The following CGN variants were observed in gnomAD, a reference collection of about 807,000 sequenced individuals.
CGN encodes the protein cingulin.
CGN carries 121 observed loss-of-function variants against 157.1 expected under a neutral mutation model. That is an observed-to-expected ratio of 0.77 (90% CI 0.66 to 0.90). The LOEUF is 0.90. Among genes scored for constraint, CGN ranks in the 40% least tolerant of loss-of-function variants. The pLI is 0.00. For missense variants in CGN, 1,424 were observed against 1,520.9 expected (o/e 0.94, Z 1.06); for synonymous variants, 535 against 607.5 (o/e 0.88, Z 1.76).
intron 1 of CGN, among the ~76,000 whole-genome samples, chr1:151,517,245 T>TC (rs1267325789): frequency 6.6e-6 from 1 of 152,162 alleles, no homozygotes; most frequent in African/African-American, 2.4e-5. Flanking sequence ...CAGTAGAATG[T>TC]CCACTCCTTT....
At chr1:151,528,114 C>A (rs1664737224) in intron 10 of CGN, among the ~76,000 whole-genome samples, 1 of 151,304 alleles carries the variant, frequency 6.6e-6, no homozygotes, top group African/African-American at 2.4e-5. Context: ...CACCACCACG[C>A]CCGGCTAATT....
chr1:151,518,435 C>A, intron 1 of CGN, 71 bp from the exon 2 acceptor site: 1 of 1,339,094 alleles, frequency 7.5e-7, no homozygotes, highest in Non-Finnish European at 1.0e-6. Context: ...ACAGGGAAGT[C>A]AGCCCGCAGG....
Position 151,534,405 on chromosome 1 carries a change from G to A in CGN, c.2904+269G>A, listed in dbSNP as rs145823994. On this transcript the variant is annotated intron_variant, in intron 15 of 20. Coordinates refer to ENST00000271636, the MANE Select transcript of CGN (RefSeq NM_020770.3). ...CAACAGTTGGCTGGAGCTGAGCAGT[G>A]GGTTTCCCCTTTAGAGTGAACAGTA... 2.6e-5 allele frequency: 12 copies of A among 465,932 alleles called. No individual in the cohort carries two copies. The East Asian group carries it at 4.9e-4, about 19-fold the overall frequency. 28.9% of individuals were successfully genotyped at this position (465,932 alleles called of 1,614,324 possible). A position where few individuals can be genotyped will look rare whatever the true frequency, so the allele number is the denominator to read the frequency against.
At chr1:151,533,475 C>T (rs1193789120) in intron 14 of CGN, among the ~76,000 whole-genome samples, 1 of 134,018 alleles carries the variant, frequency 7.5e-6, no homozygotes, top group Non-Finnish European at 1.6e-5. Context: ...GACTCCATCT[C>T]AAAAAACAAA....
In CGN at chr1:151,523,453, CA is replaced by C. The variant is rs771296889; in HGVS notation, c.1161del (p.Ser388ProfsTer40). ...TTACAGAAGCGGCAGAAGCTAGAGC[CA>C]TCCCAAGTTGGGCTGGAGCGGCAGC... ...EEVKKRQKLE[P>X]SQVGLERQLE... is the part of the protein sequence containing the mutation. On this transcript the variant is annotated frameshift_variant, in exon 6 of 21. Transcript: ENST00000271636. LOFTEE classifies it high-confidence loss of function. The C allele has an allele frequency of 1.3e-4, 207 of 1,613,254 alleles. No individual in the cohort carries two copies. Among genetic ancestry groups the C allele is most frequent in the Non-Finnish European group, 1.7e-4 (202 of 1,179,616 alleles).
chr1:151,531,941 A>G (rs1359138958), intron 13 of CGN, among the ~76,000 whole-genome samples: 2 of 152,152 alleles, frequency 1.3e-5, no homozygotes, highest in Non-Finnish European at 2.9e-5. Flanking sequence ...TTTCTGAAAT[A>G]GAGTTGTGTC....
chr1:151,537,456 G>T lies in CGN; in HGVS notation c.*110G>T. The stretch of plus-strand genomic sequence containing the variant: ...TTCCTATGGGTGACCCAATTATTCA[G>T]ACCTAAGACAGGGAGGGGTCAGAGT... On this transcript the variant is annotated 3_prime_UTR_variant, in exon 21 of 21. Coordinates refer to ENST00000271636, the MANE Select transcript of CGN (RefSeq NM_020770.3). The T allele has an allele frequency of 1.1e-6, 1 of 921,198 alleles. No homozygotes were observed. The highest frequency in any genetic ancestry group is 1.6e-6 in the Non-Finnish European group (1 of 629,564). The allele number at this position is 921,198 out of a possible 1,614,324, so 57.1% of individuals were successfully genotyped here. A position where few individuals can be genotyped will look rare whatever the true frequency, so the allele number is the denominator to read the frequency against.
chr1:151,527,090 G>C lies in CGN; in HGVS notation c.1879G>C (p.Val627Leu). The part of the protein sequence containing the change: ...ARASAGDTRQ[V>L]EVLKKELLRT... ...AGCTAGTGCTGGAGATACTCGCCAG[G>C]TTGAGGTGCTCAAGAAGGTATTTGG... The change falls in exon 10 of 21, where the codon GTT becomes CTT. Residue 627 changes from valine (V) to leucine (L), a missense_variant. Around this residue, in one of 3 missense-constraint regions of CGN, gnomAD observed 1,187 missense variants for 1,217.6 expected, o/e 0.97. Transcript: ENST00000271636. 2 of 1,614,186 alleles carry C rather than the reference G, an allele frequency of 1.2e-6. No homozygotes were observed. The highest frequency in any genetic ancestry group is 1.7e-6 in the Non-Finnish European group (2 of 1,180,040).
At chr1:151,529,245 A>T in intron 10 of CGN, 105 bp from the exon 11 acceptor site, 1 of 920,200 alleles carries the variant, frequency 1.1e-6, no homozygotes, top group East Asian at 2.5e-5. Context: ...AAGTGGCCAC[A>T]TCAGTTTTTA....
intron 15 of CGN, 155 bp downstream of exon 15, chr1:151,534,291 A>G (rs1177156716): frequency 5.3e-6 from 4 of 752,896 alleles, no homozygotes; most frequent in Non-Finnish European, 8.6e-6. Flanking sequence ...TTAGAAATTT[A>G]TAGAGGTCAC....
chr1:151,524,942 C>T lies in CGN; in HGVS notation c.1614+56C>T. On this transcript the variant is annotated intron_variant, in intron 8 of 20. Coordinates refer to ENST00000271636, the MANE Select transcript of CGN (RefSeq NM_020770.3). The surrounding 1 kb of genome is among the most constrained non-coding windows in gnomAD (Gnocchi z 4.4). ...AGGGCACTGCTGGAGAACAAGGCTG[C>T]CTTGGGATCTTGGACTTTTGGACTT... 1 of 1,468,930 alleles carries T rather than the reference C, an allele frequency of 6.8e-7. No homozygotes were observed. The highest frequency in any genetic ancestry group is 1.2e-5 in the South Asian group (1 of 84,382). The allele number at this position is 1,468,930 out of a possible 1,614,324, so 91.0% of individuals were successfully genotyped here. A position where few individuals can be genotyped will look rare whatever the true frequency, so the allele number is the denominator to read the frequency against.
In CGN at chr1:151,524,588, C is replaced by T. The variant is rs186526223; in HGVS notation, c.1402-86C>T. Reference sequence around the variant, plus strand: ...AGAGCACCTGGTACTGTGCCTAATACGATAAATATTTTTTGACTCAGTGAA... The same window carrying T: ...AGAGCACCTGGTACTGTGCCTAATATGATAAATATTTTTTGACTCAGTGAA... On this transcript the variant is annotated intron_variant, in intron 7 of 20. Transcript: ENST00000271636. The surrounding 1 kb of genome is among the most constrained non-coding windows in gnomAD (Gnocchi z 4.4). 73 of 1,285,092 alleles carry T rather than the reference C, an allele frequency of 5.7e-5. No individual in the cohort carries two copies. The Admixed American group carries it at 1.1e-3, about 19-fold the overall frequency. 79.6% of individuals were successfully genotyped at this position (1,285,092 alleles called of 1,614,324 possible).
chr1:151,532,352 G>T (rs749375889), intron 13 of CGN, 50 bp from the exon 14 acceptor site: 3 of 1,370,088 alleles, frequency 2.2e-6, no homozygotes, highest in Non-Finnish European at 2.9e-6. Context: ...TCTGGGCCTG[G>T]AGAGGGTCAT....
intron 1 of CGN, among the ~76,000 whole-genome samples, chr1:151,514,200 G>A (rs936169833): frequency 7.4e-6 from 1 of 135,742 alleles, no homozygotes; most frequent in Non-Finnish European, 1.7e-5. Context: ...TGAGGTTAGG[G>A]AGTTAACCTA....
Position 151,523,566 on chromosome 1 carries a change from G to A in CGN, c.1268+5G>A. On this transcript the variant is annotated splice_donor_5th_base_variant and intron_variant, in intron 6 of 20. Transcript: ENST00000271636. The stretch of plus-strand genomic sequence containing the variant: ...GGCCCAGCAGAGCAACAAGGAGTGA[G>A]TGCAGCTGGTGGCGCACCTCGGGCT... 1 of 1,600,138 alleles carries A rather than the reference G, an allele frequency of 6.2e-7. No individual in the cohort carries two copies. Among genetic ancestry groups the A allele is most frequent in the Non-Finnish European group, 8.5e-7 (1 of 1,174,246 alleles).
chr1:151,536,040 T>G (rs1262280522), intron 18 of CGN, 142 bp downstream of exon 18: 1 of 728,490 alleles, frequency 1.4e-6, no homozygotes, highest in African/African-American at 1.8e-5. Flanking sequence ...TTTCTCCTGA[T>G]AGAGAGCAAA....
rs1557994321 is a variant in CGN, at chr1:151,535,647, G to A, written c.3042G>A (p.Gln1014=). The change falls in exon 17 of 21, where the codon CAG becomes CAA. Residue 1014 remains glutamine, a synonymous_variant. Coordinates refer to ENST00000271636, the MANE Select transcript of CGN (RefSeq NM_020770.3). ...TELMQERSAR[Q]DLECDKISLE... ...TCATGCAGGAAAGGTCTGCTCGGCA[G>A]GACCTGGAGTGTGACAAAATCTCCT... is the stretch of plus-strand genomic sequence containing the variant. 3 of 1,614,194 alleles carry A rather than the reference G, an allele frequency of 1.9e-6. No homozygotes were observed. Among genetic ancestry groups the A allele is most frequent in the Non-Finnish European group, 2.5e-6 (3 of 1,180,012 alleles).
chr1:151,530,660 CA>C lies in CGN; in HGVS notation c.2486del (p.Gln829ArgfsTer26). The C allele has an allele frequency of 6.3e-7, 1 of 1,579,792 alleles. No individual in the cohort carries two copies. The highest frequency in any genetic ancestry group is 8.6e-7 in the Non-Finnish European group (1 of 1,162,306). On this transcript the variant is annotated frameshift_variant, in exon 13 of 21. Coordinates refer to ENST00000271636, the MANE Select transcript of CGN (RefSeq NM_020770.3). LOFTEE classifies it high-confidence loss of function. The stretch of plus-strand genomic sequence containing the variant: ...CCGGGCCCTGGAGGAGGAAGGGAAG[CA>C]GCGGGAGGTGCTCCGGCGAGGCAAG... ...LNRALEEEGK[Q>X]REVLRRGKAE...
chr1:151,536,749 C>G lies in CGN; in HGVS notation c.3326C>G (p.Ala1109Gly). The G allele has an allele frequency of 6.2e-7, 1 of 1,614,076 alleles. No individual in the cohort carries two copies. The highest frequency in any genetic ancestry group is 8.5e-7 in the Non-Finnish European group (1 of 1,180,010). ...QKDQLSLRVK[A>G]LKRQVDEAEE... ...GCCCAGCTAAGCCTGAGGGTGAAGG[C>G]TTTGAAGCGTCAGGTGGATGAAGCA... The change falls in exon 20 of 21, where the codon GCT becomes GGT. Residue 1109 changes from alanine to glycine, a missense_variant. Ala to Gly is a moderately conservative substitution (Grantham distance 60). Around this residue, in one of 3 missense-constraint regions of CGN, gnomAD observed 199 missense variants for 272.2 expected, o/e 0.73. Transcript: ENST00000271636.
Sources: allele counts gnomAD v4.1 joint callset (sites outside exome capture counted in the v4.1 genomes callset), GRCh38; gene constraint gnomAD v4.1.1; regional missense constraint gnomAD v4.1.1; non-coding constraint Gnocchi (gnomAD v3.1); transcripts MANE v1.5; gene names NCBI Gene and HGNC (gene_info 2026-07-23, HGNC 2026-07-21).